The following PTPRD variants were observed in gnomAD, a reference collection of about 807,000 sequenced individuals.
The protein encoded by PTPRD is protein tyrosine phosphatase receptor type D.
Under a neutral mutation model 214.5 loss-of-function variants are expected in PTPRD, and 34 were observed. That is an observed-to-expected ratio of 0.16 (90% CI 0.12 to 0.21). The LOEUF is 0.21. Among genes scored for constraint, PTPRD ranks in the 10% least tolerant of loss-of-function variants. PTPRD has a pLI of 1.00. For missense variants in PTPRD, 2,545 were observed against 2,398.7 expected, an observed-to-expected ratio of 1.06 and a Z score of -1.27; for synonymous variants, 1,128 against 845.7, an observed-to-expected ratio of 1.33 and a Z score of -5.79.
At chr9:10,566,057 T>C (rs1183294343) in intron 2 of PTPRD, among the ~76,000 whole-genome samples, 3 of 152,042 alleles carry the variant, frequency 2.0e-5, no homozygotes, top group Non-Finnish European at 2.9e-5. Context: ...TTGTCTTTCA[T>C]GTCTTTTATT....
chr9:8,648,315 G>A (rs575596064), intron 12 of PTPRD, among the ~76,000 whole-genome samples: 23 of 152,170 alleles, frequency 1.5e-4, no homozygotes, highest in Middle Eastern at 3.4e-3. Context: ...CTGTGTGCCC[G>A]GGCAATAAAA....
chr9:8,750,031 G>A (rs574138351), intron 11 of PTPRD, among the ~76,000 whole-genome samples: 1 of 151,916 alleles, frequency 6.6e-6, no homozygotes, highest in Non-Finnish European at 1.5e-5. Context: ...TGAACCCAGA[G>A]GCGGAGGTTG....
chr9:9,657,105 A>G (rs2096533656), intron 7 of PTPRD, among the ~76,000 whole-genome samples: 3 of 152,170 alleles, frequency 2.0e-5, no homozygotes, highest in Admixed American at 2.0e-4. Flanking sequence ...CACACACAAT[A>G]TGTACTTGGA....
In PTPRD at chr9:8,341,198, T is replaced by A. The variant is rs1852099379; in HGVS notation, c.5018A>T (p.Asn1673Ile). The A allele has an allele frequency of 6.2e-7, 1 of 1,613,148 alleles. No individual in the cohort carries two copies. Among genetic ancestry groups the A allele is most frequent in the Non-Finnish European group, 8.5e-7 (1 of 1,179,496 alleles). ...ATATGGCATAATATTAACAAGGCGATTTTTGAATTTATTACATGGAAGATT... is the reference window on the plus strand; with the variant it reads ...ATATGGCATAATATTAACAAGGCGAATTTTGAATTTATTACATGGAAGATT... Reference protein sequence around the residue: ...SANLPCNKFKNRLVNIMPYES... With the variant: ...SANLPCNKFKIRLVNIMPYES... Residue 1673 changes from asparagine to isoleucine, a missense_variant, in exon 41 of 46, where the codon AAT becomes ATT. Transcript: ENST00000381196.
intron 9 of PTPRD, among the ~76,000 whole-genome samples, chr9:9,217,846 A>G (rs992409910): frequency 2.6e-5 from 4 of 152,114 alleles, no homozygotes; most frequent in African/African-American, 9.7e-5. Flanking sequence ...CTGATAAAGT[A>G]TTTCAGAAGC....
intron 2 of PTPRD, among the ~76,000 whole-genome samples, chr9:10,593,100 A>G (rs1362921550): frequency 6.6e-6 from 1 of 152,080 alleles, no homozygotes; most frequent in Non-Finnish European, 1.5e-5. Flanking sequence ...AACCAAGTCC[A>G]GACACAGTAG....
chr9:8,994,430 T>C (rs1312559417), intron 11 of PTPRD, among the ~76,000 whole-genome samples: 9 of 152,170 alleles, frequency 5.9e-5, no homozygotes, highest in Non-Finnish European at 1.0e-4. Context: ...TTTTATTTGG[T>C]TTCTTTAATC....
chr9:9,593,214 T>G (rs1037462039), intron 7 of PTPRD, among the ~76,000 whole-genome samples: 3 of 151,320 alleles, frequency 2.0e-5, no homozygotes, highest in Non-Finnish European at 4.4e-5. Flanking sequence ...TTTGTTTTTG[T>G]TTTTCCCCCC....
intron 9 of PTPRD, among the ~76,000 whole-genome samples, chr9:9,319,725 T>G (rs1345814003): frequency 6.6e-6 from 1 of 152,172 alleles, no homozygotes; most frequent in African/African-American, 2.4e-5. Context: ...CACTTTAGCC[T>G]ATAGTCATCA....
intron 4 of PTPRD, among the ~76,000 whole-genome samples, chr9:9,988,127 G>A (rs1010580977): frequency 6.6e-6 from 1 of 152,084 alleles, no homozygotes; most frequent in Admixed American, 6.5e-5. Flanking sequence ...CTTATTTCAA[G>A]AGTAAATTGC....
At chr9:9,550,729 T>A (rs1445731577) in intron 8 of PTPRD, among the ~76,000 whole-genome samples, 1 of 151,570 alleles carries the variant, frequency 6.6e-6, no homozygotes, top group Non-Finnish European at 1.5e-5. Context: ...GGCAAAGGGC[T>A]AGTATAAAAA....
chr9:10,046,947 T>G (rs561559529), intron 3 of PTPRD, among the ~76,000 whole-genome samples: 3 of 152,090 alleles, frequency 2.0e-5, no homozygotes, highest in African/African-American at 7.2e-5. Context: ...AAGTGAAATA[T>G]TTTATTGATA....
At chr9:10,167,744 T>A (rs2099168186) in intron 3 of PTPRD, among the ~76,000 whole-genome samples, 1 of 152,114 alleles carries the variant, frequency 6.6e-6, no homozygotes, top group Non-Finnish European at 1.5e-5. Context: ...TCTCCCAATA[T>A]AGCTGTAAGA....
intron 14 of PTPRD, among the ~76,000 whole-genome samples, chr9:8,537,759 C>G (rs2077306652): frequency 6.6e-6 from 1 of 151,928 alleles, no homozygotes; most frequent in Non-Finnish European, 1.5e-5. Flanking sequence ...TTGCAAGGTA[C>G]TCCGGGCAGA....
chr9:9,927,491 G>T (rs1245590884), intron 5 of PTPRD, among the ~76,000 whole-genome samples: 2 of 152,178 alleles, frequency 1.3e-5, no homozygotes, highest in South Asian at 4.2e-4. Context: ...TCCTCAAGAA[G>T]CCTTCTCAGT....
At chr9:9,747,591 G>C (rs1268688328) in intron 6 of PTPRD, among the ~76,000 whole-genome samples, 1 of 146,188 alleles carries the variant, frequency 6.8e-6, no homozygotes, top group Non-Finnish European at 1.5e-5. Flanking sequence ...TTTTCGCCCA[G>C]GCTGGAGTTC....
At chr9:8,899,935 ATCT>A (rs1566906017) in intron 11 of PTPRD, among the ~76,000 whole-genome samples, 1 of 152,228 alleles carries the variant, frequency 6.6e-6, no homozygotes, top group East Asian at 1.9e-4. Context: ...GGAAACATGA[ATCT>A]TTGTGGAAAA....
chr9:8,769,738 T>C (rs2095053311), intron 11 of PTPRD, among the ~76,000 whole-genome samples: 1 of 152,050 alleles, frequency 6.6e-6, no homozygotes, highest in South Asian at 2.1e-4. Context: ...AACTTTATTG[T>C]TTTATATTTC....
At chr9:9,971,364 T>C (rs2095090689) in intron 4 of PTPRD, among the ~76,000 whole-genome samples, 1 of 152,142 alleles carries the variant, frequency 6.6e-6, no homozygotes. Context: ...GAATAATAGA[T>C]GAAGCAACTT....
Sources: allele counts gnomAD v4.1 joint callset (sites outside exome capture counted in the v4.1 genomes callset), GRCh38; gene constraint gnomAD v4.1.1; transcripts MANE v1.5; gene names NCBI Gene and HGNC (gene_info 2026-07-23, HGNC 2026-07-21).